Variants in PLCG1 observed in about 807,000 individuals in gnomAD.
PLCG1 encodes phospholipase C gamma 1.
Under a neutral mutation model 177.8 loss-of-function variants are expected in PLCG1, and 71 were observed. That is an observed-to-expected ratio of 0.40 (90% CI 0.33 to 0.49). The LOEUF is 0.49. PLCG1 is among the 20% of genes least tolerant of loss of function. The pLI is 0.72. For missense variants in PLCG1, 1,281 were observed against 1,709.0 expected, an observed-to-expected ratio of 0.75 and a Z score of 4.42; for synonymous variants, 658 against 647.9, an observed-to-expected ratio of 1.02 and a Z score of -0.24.
intron 1 of PLCG1, among the ~76,000 whole-genome samples, chr20:41,154,887 T>G (rs2035271573): frequency 6.6e-6 from 1 of 152,196 alleles, no homozygotes. Context: ...CCAGAGTGCT[T>G]GGGCATAGGG....
rs1192729620 is a variant in PLCG1 at position 41,169,425 on chromosome 20, T to C, written c.2581-32T>C. The C allele has an allele frequency of 2.6e-6, 4 of 1,551,968 alleles. No individual in the cohort carries two copies. In the South Asian group the frequency reaches 3.3e-5, roughly 13 times the overall value. On this transcript the variant is annotated intron_variant, in intron 22 of 31. Coordinates refer to ENST00000685551, the MANE Select transcript of PLCG1 (RefSeq NM_002660.3). The stretch of plus-strand genomic sequence containing the variant: ...CCCTCACACACATATGCAGTAGCCA[T>C]GCTGACCATTGGTGGGCTTTGCTTC...
At position 41,166,098 on chromosome 20, in the gene PLCG1, C is replaced by A. The variant is rs2035681798; in HGVS notation, c.1800-96C>A. 9.1e-7 allele frequency: 1 copy of A among 1,104,684 alleles called. No individual in the cohort carries two copies. The highest frequency in any genetic ancestry group is 1.3e-6 in the Non-Finnish European group (1 of 764,026). 68.4% of individuals were successfully genotyped at this position (1,104,684 alleles called of 1,614,324 possible). On this transcript the variant is annotated intron_variant, in intron 16 of 31. Transcript: ENST00000685551. This position sits in a 1 kb window ranked among gnomAD's most constrained non-coding sequence, Gnocchi z 8.6. ...AGGAGATTGGCCTCCCTCCTTGAGG[C>A]TCCCTCCTTGAGTTCCACCCTCATT... is the stretch of plus-strand genomic sequence containing the variant.
chr20:41,144,156 C>T lies in PLCG1; in HGVS notation c.217+6298C>T, dbSNP rs1351142339. On this transcript the variant is annotated intron_variant, in intron 1 of 31. Coordinates refer to ENST00000685551, the MANE Select transcript of PLCG1 (RefSeq NM_002660.3). The surrounding 1 kb of genome is among the most constrained non-coding windows in gnomAD (Gnocchi z 4.1). ...TGAACTTCACAGCAGCTCCATGAAT[C>T]CATGGAGGGCAGGAGTTACTATCCC... Among the ~76,000 whole-genome samples, 4 of 152,160 alleles carry T rather than the reference C, an allele frequency of 2.6e-5. No individual in the cohort carries two copies. Among genetic ancestry groups the T allele is most frequent in the African/African-American group, 9.7e-5 (4 of 41,424 alleles).
Position 41,137,664 on chromosome 20 carries a change from G to A in PLCG1, c.23G>A (p.Cys8Tyr). 1.5e-6 allele frequency: 2 copies of A among 1,320,264 alleles called. No homozygotes were observed. Among genetic ancestry groups the A allele is most frequent in the Non-Finnish European group, 1.9e-6 (2 of 1,034,766 alleles). The allele number at this position is 1,320,264 out of a possible 1,614,324, so 81.8% of individuals were successfully genotyped here. Residue 8 changes from cysteine (C) to tyrosine (Y), a missense_variant, in exon 1 of 32, where the codon TGC becomes TAC. Coordinates refer to ENST00000685551, the MANE Select transcript of PLCG1 (RefSeq NM_002660.3). The surrounding 1 kb of genome is among the most constrained non-coding windows in gnomAD (Gnocchi z 7.3). ...GCCATGGCGGGCGCCGCGTCCCCTTGCGCCAACGGCTGCGGGCCCGGCGCG... is the reference window on the plus strand; with the variant it reads ...GCCATGGCGGGCGCCGCGTCCCCTTACGCCAACGGCTGCGGGCCCGGCGCG... The part of the protein sequence containing the change: MAGAASP[C>Y]ANGCGPGAPS...
Position 41,163,590 on chromosome 20 carries a change from C to A in PLCG1, c.891+111C>A. 1 of 1,052,826 alleles carries A rather than the reference C, an allele frequency of 9.5e-7. No homozygotes were observed. Among genetic ancestry groups the A allele is most frequent in the Non-Finnish European group, 1.5e-6 (1 of 677,480 alleles). 65.2% of individuals were successfully genotyped at this position (1,052,826 alleles called of 1,614,324 possible). A position where few individuals can be genotyped will look rare whatever the true frequency, so the allele number is the denominator to read the frequency against. Reference sequence around the variant, plus strand: ...CCTTAGGGATGCCACCTTGTTTCTACCTACTGTGCACCTTGCCCACCCCCA... The same window carrying A: ...CCTTAGGGATGCCACCTTGTTTCTAACTACTGTGCACCTTGCCCACCCCCA... On this transcript the variant is annotated intron_variant, in intron 9 of 31. Transcript: ENST00000685551. The surrounding 1 kb of genome is among the most constrained non-coding windows in gnomAD (Gnocchi z 5.2).
Position 41,163,294 on chromosome 20 carries a change from T to A in PLCG1, c.789+19T>A. The A allele has an allele frequency of 6.3e-7, 1 of 1,577,458 alleles. No individual in the cohort carries two copies. Among genetic ancestry groups the A allele is most frequent in the Non-Finnish European group, 8.6e-7 (1 of 1,160,856 alleles). On this transcript the variant is annotated intron_variant, in intron 8 of 31. Transcript: ENST00000685551. This position sits in a 1 kb window ranked among gnomAD's most constrained non-coding sequence, Gnocchi z 5.2. ...CCAGGGGGTATGGCTGGGCTGACAT[T>A]GGCCCAGGCTGGTAGGTTGTGGGGG...
rs562106324 is a variant in PLCG1 at position 41,142,102 on chromosome 20, G to A, written c.217+4244G>A. ...ACTCTTGGAAAAGACAGATGTAGAG[G>A]CATATGATTATAACCCTGTGTGTTA... On this transcript the variant is annotated intron_variant, in intron 1 of 31. Transcript: ENST00000685551. 7.9e-5 allele frequency among the ~76,000 whole-genome samples: 12 copies of A among 152,354 alleles called. No individual in the cohort carries two copies. In the East Asian group the frequency reaches 1.9e-3, roughly 24 times the overall value.
chr20:41,174,579 T>C lies in PLCG1; in HGVS notation c.*70T>C. On this transcript the variant is annotated 3_prime_UTR_variant, in exon 32 of 32. Transcript: ENST00000685551. The surrounding 1 kb of genome is among the most constrained non-coding windows in gnomAD (Gnocchi z 5.8). Reference sequence around the variant, plus strand: ...GTAGAATGCCGCGAACTGGGTTCTTTGGAAGCAGCCCCCTGTGGCGGCCTT... The same window carrying C: ...GTAGAATGCCGCGAACTGGGTTCTTCGGAAGCAGCCCCCTGTGGCGGCCTT... 7.1e-7 allele frequency: 1 copy of C among 1,399,472 alleles called. No individual in the cohort carries two copies. Among genetic ancestry groups the C allele is most frequent in the Non-Finnish European group, 9.9e-7 (1 of 1,008,420 alleles). 86.7% of individuals were successfully genotyped at this position (1,399,472 alleles called of 1,614,324 possible).
At position 41,164,804 on chromosome 20, in the gene PLCG1, CTT is replaced by C; in HGVS notation, c.1218-126_1218-125del. The C allele has an allele frequency of 1.1e-6, 1 of 915,758 alleles. No homozygotes were observed. Among genetic ancestry groups the C allele is most frequent in the Non-Finnish European group, 1.6e-6 (1 of 609,876 alleles). 56.7% of individuals were successfully genotyped at this position (915,758 alleles called of 1,614,324 possible). On this transcript the variant is annotated intron_variant, in intron 12 of 31. Coordinates refer to ENST00000685551, the MANE Select transcript of PLCG1 (RefSeq NM_002660.3). This position sits in a 1 kb window ranked among gnomAD's most constrained non-coding sequence, Gnocchi z 6.4. Reference sequence around the variant, plus strand: ...CCCCACCAGTGGCTATGGCCTGCCTCTTTTCTGGGATAGTTTTTACAGACAAG... The same window carrying C: ...CCCCACCAGTGGCTATGGCCTGCCTCTTCTGGGATAGTTTTTACAGACAAG...
chr20:41,170,070 G>A, intron 23 of PLCG1, 42 bp from the exon 24 acceptor site: 2 of 1,560,152 alleles, frequency 1.3e-6, no homozygotes, highest in Non-Finnish European at 1.7e-6. Context: ...TGGAGGGGGT[G>A]AGATGTCTAT....
rs2035823107 is a variant in PLCG1 at position 41,169,471 on chromosome 20, C to T, written c.2595C>T (p.Asn865=). The T allele has an allele frequency of 1.2e-6, 2 of 1,613,244 alleles. No homozygotes were observed. Among genetic ancestry groups the T allele is most frequent in the Admixed American group, 1.7e-5 (1 of 59,988 alleles). ...LEPEREHLDE[N]SPLGDLLRGV... is the part of the protein sequence containing the mutation. ...GCTTCCCACAGCACTTGGACGAGAA[C>T]AGCCCCCTAGGGGACTTGCTGCGGG... The change falls in exon 23 of 32, where the codon AAC becomes AAT. Residue 865 remains asparagine (N), a synonymous_variant. Coordinates refer to ENST00000685551, the MANE Select transcript of PLCG1 (RefSeq NM_002660.3).
At chr20:41,168,468 G>T (rs1242060398) in intron 20 of PLCG1, among the ~76,000 whole-genome samples, 1 of 152,222 alleles carries the variant, frequency 6.6e-6, no homozygotes, top group Non-Finnish European at 1.5e-5. Context: ...TGCCAGCCCT[G>T]ACTCCTGGGA....
chr20:41,171,436 A>T (rs2035891652), intron 24 of PLCG1, among the ~76,000 whole-genome samples: 1 of 151,812 alleles, frequency 6.6e-6, no homozygotes, highest in African/African-American at 2.4e-5. Flanking sequence ...AAAATACAAA[A>T]ATTAGCCGGG....
At chr20:41,139,897 T>TCACC (rs1568721882) in intron 1 of PLCG1, among the ~76,000 whole-genome samples, 3 of 152,176 alleles carry the variant, frequency 2.0e-5, no homozygotes, top group African/African-American at 4.8e-5. Flanking sequence ...ATGTGCCCAC[T>TCACC]CACCCACCCA....
Position 41,166,073 on chromosome 20 carries a change from A to G in PLCG1, c.1800-121A>G. ...GTGACTGCCCACACCTGAGCTCCTC[A>G]GGAGATTGGCCTCCCTCCTTGAGGC... On this transcript the variant is annotated intron_variant, in intron 16 of 31. Transcript: ENST00000685551. This position sits in a 1 kb window ranked among gnomAD's most constrained non-coding sequence, Gnocchi z 8.6. The G allele has an allele frequency of 2.4e-6, 2 of 821,948 alleles. No homozygotes were observed. Among genetic ancestry groups the G allele is most frequent in the East Asian group, 6.6e-5 (2 of 30,382 alleles). 50.9% of individuals were successfully genotyped at this position (821,948 alleles called of 1,614,324 possible). A position where few individuals can be genotyped will look rare whatever the true frequency, so the allele number is the denominator to read the frequency against.
In PLCG1 at chr20:41,163,103, A is replaced by G; in HGVS notation, c.717-100A>G. 1 of 1,496,660 alleles carries G rather than the reference A, an allele frequency of 6.7e-7. No homozygotes were observed. Among genetic ancestry groups the G allele is most frequent in the Admixed American group, 1.7e-5 (1 of 58,568 alleles). 92.7% of individuals were successfully genotyped at this position (1,496,660 alleles called of 1,614,324 possible). A position where few individuals can be genotyped will look rare whatever the true frequency, so the allele number is the denominator to read the frequency against. On this transcript the variant is annotated intron_variant, in intron 7 of 31. Coordinates refer to ENST00000685551, the MANE Select transcript of PLCG1 (RefSeq NM_002660.3). The surrounding 1 kb of genome is among the most constrained non-coding windows in gnomAD (Gnocchi z 5.2). The stretch of plus-strand genomic sequence containing the variant: ...TGGGAGTAGGGAACCATGCTGGACC[A>G]TTCTGGGAAGCTGTGCTGGCTGGGA...
chr20:41,162,254 TTG>T, intron 4 of PLCG1, 196 bp from the exon 5 acceptor site: 16 of 299,856 alleles, frequency 5.3e-5, no homozygotes, highest in Admixed American at 1.5e-4. Flanking sequence ...TTTTTTTTTT[TTG>T]CTCAGATGAG....
chr20:41,140,834 T>C (rs1238009549), intron 1 of PLCG1, among the ~76,000 whole-genome samples: 2 of 152,184 alleles, frequency 1.3e-5, no homozygotes, highest in Non-Finnish European at 2.9e-5. Flanking sequence ...TTCGTCCCAT[T>C]TTACAGATGA....
In PLCG1 at chr20:41,174,407, G is replaced by T; in HGVS notation, c.3834-60G>T. 1 of 1,596,422 alleles carries T rather than the reference G, an allele frequency of 6.3e-7. No homozygotes were observed. Among genetic ancestry groups the T allele is most frequent in the East Asian group, 2.2e-5 (1 of 44,494 alleles). On this transcript the variant is annotated intron_variant, in intron 31 of 31. Coordinates refer to ENST00000685551, the MANE Select transcript of PLCG1 (RefSeq NM_002660.3). This position sits in a 1 kb window ranked among gnomAD's most constrained non-coding sequence, Gnocchi z 5.8. ...TCCTGGGTAGAAAAGTTGTAATATT[G>T]TCTGGCATTGGGCTGCAAGGCCCTG...
Sources: allele counts gnomAD v4.1 joint callset (sites outside exome capture counted in the v4.1 genomes callset), GRCh38; gene constraint gnomAD v4.1.1; non-coding constraint Gnocchi (gnomAD v3.1); transcripts MANE v1.5; gene names NCBI Gene and HGNC (gene_info 2026-07-23, HGNC 2026-07-21).